WWOX: variants seen among roughly 807,000 people sequenced by gnomAD.
WWOX encodes the protein WW domain-containing oxidoreductase.
WWOX carries 69 observed loss-of-function variants against 46.2 expected under a neutral mutation model. The observed-to-expected ratio is 1.49, with a 90% CI of 1.23 to 1.82. The LOEUF (loss-of-function observed/expected upper bound fraction) is 1.82. Among genes scored for constraint, WWOX ranks in the 40% most tolerant of loss-of-function variants. The pLI, the probability that WWOX is intolerant of heterozygous loss-of-function variation, is 0.00. For missense variants in WWOX, 919 were observed against 542.6 expected (o/e 1.69, Z -6.89); for synonymous variants, 359 against 202.6 (o/e 1.77, Z -6.56).
At position 79,038,276 on chromosome 16, in the gene WWOX, A is replaced by G. The variant is rs137948523; in HGVS notation, c.1057-173332A>G. On this transcript the variant is annotated intron_variant, in intron 8 of 8. Coordinates refer to ENST00000566780, the MANE Select transcript of WWOX (RefSeq NM_016373.4). ...AAAGATCCAGTGAATTGTCTCCTGA[A>G]GATAAAATACATAAAAGGGCGTTTC... Among the ~76,000 whole-genome samples, 608 of 152,320 alleles carry G rather than the reference A, an allele frequency of 4.0e-3. 7 individuals are homozygous for G. The highest frequency in any genetic ancestry group is 0.014 in the African/African-American group (575 of 41,572).
At position 79,146,869 on chromosome 16, in the gene WWOX, C is replaced by T. The variant is rs564280732; in HGVS notation, c.1057-64739C>T. On this transcript the variant is annotated intron_variant, in intron 8 of 8. Coordinates refer to ENST00000566780, the MANE Select transcript of WWOX (RefSeq NM_016373.4). ...GGTTTAAGGAGGTTGGAGGCACCTT[C>T]GCTTGTACTTCTACATGTGTCCCTT... Among the ~76,000 whole-genome samples the T allele has an allele frequency of 1.1e-4, 17 of 152,258 alleles. No homozygotes were observed. The South Asian group carries it at 3.1e-3, about 28-fold the overall frequency.
At chr16:78,503,054 A>G (rs970576681) in intron 8 of WWOX, among the ~76,000 whole-genome samples, 12 of 152,184 alleles carry the variant, frequency 7.9e-5, no homozygotes, top group African/African-American at 2.4e-4. Context: ...AATGTATTTG[A>G]GCCTTCTAAC....
chr16:79,089,325 G>A (rs1423757459), intron 8 of WWOX, among the ~76,000 whole-genome samples: 1 of 126,268 alleles, frequency 7.9e-6, no homozygotes, highest in African/African-American at 3.5e-5. Flanking sequence ...AACGTTCAAG[G>A]TGGGGACCTT....
intron 8 of WWOX, among the ~76,000 whole-genome samples, chr16:78,639,340 C>CCTTGCCGTATATGA (rs2046648986): frequency 6.6e-6 from 1 of 152,158 alleles, no homozygotes; most frequent in Admixed American, 6.5e-5. Context: ...TGGGCTCACA[C>CCTTGCCGTATATGA]CTTGCCGTAT....
At chr16:78,549,968 A>G (rs1005896642) in intron 8 of WWOX, among the ~76,000 whole-genome samples, 1 of 152,198 alleles carries the variant, frequency 6.6e-6, no homozygotes, top group African/African-American at 2.4e-5. Flanking sequence ...AGGACTGAAA[A>G]TTCCCATCCC....
At chr16:78,353,777 G>C (rs2081229012) in intron 5 of WWOX, among the ~76,000 whole-genome samples, 1 of 125,164 alleles carries the variant, frequency 8.0e-6, no homozygotes, top group Non-Finnish European at 1.9e-5. Flanking sequence ...CACATCACCT[G>C]CAGGCAGGAT....
chr16:78,807,101 C>T (rs545006074), intron 8 of WWOX, among the ~76,000 whole-genome samples: 1 of 152,308 alleles, frequency 6.6e-6, no homozygotes, highest in East Asian at 1.9e-4. Context: ...AGACTGGATG[C>T]TCAATAAGTC....
chr16:79,032,394 T>C (rs1207631838), intron 8 of WWOX, among the ~76,000 whole-genome samples: 2 of 129,706 alleles, frequency 1.5e-5, no homozygotes, highest in Non-Finnish European at 3.5e-5. Flanking sequence ...GTAATATATA[T>C]TAATATGTAG....
At chr16:78,815,340 AAAG>A (rs1394034918) in intron 8 of WWOX, among the ~76,000 whole-genome samples, 3 of 152,134 alleles carry the variant, frequency 2.0e-5, no homozygotes, top group East Asian at 3.9e-4. Flanking sequence ...AAAAAAAAAA[AAAG>A]AAGGTTTCAT....
At chr16:78,415,546 G>A (rs937876401) in intron 6 of WWOX, among the ~76,000 whole-genome samples, 2 of 152,052 alleles carry the variant, frequency 1.3e-5, no homozygotes, top group East Asian at 3.9e-4. Context: ...TGGTTTGAAT[G>A]CTTCTGACAA....
At chr16:78,399,019 G>A (rs1455342042) in intron 6 of WWOX, among the ~76,000 whole-genome samples, 3 of 148,592 alleles carry the variant, frequency 2.0e-5, no homozygotes, top group East Asian at 1.9e-4. Flanking sequence ...TGGCTGGCTG[G>A]CTAGATGGAT....
intron 8 of WWOX, among the ~76,000 whole-genome samples, chr16:78,818,745 A>T (rs1018264274): frequency 6.6e-6 from 1 of 152,210 alleles, no homozygotes; most frequent in Non-Finnish European, 1.5e-5. Flanking sequence ...CTAGCTTGCC[A>T]GTCAAGTCAT....
rs376384466 is a variant in WWOX, at chr16:78,386,261, T to C, written c.517-599T>C. ...AAGTACACAGTAGCCATTATTACCA[T>C]TATTATTCCTATCACCAGCATGTAT... On this transcript the variant is annotated intron_variant, in intron 5 of 8. Transcript: ENST00000566780. Among the ~76,000 whole-genome samples the C allele has an allele frequency of 2.8e-3, 426 of 152,290 alleles. 1 individual carries two copies. Among genetic ancestry groups the C allele is most frequent in the Middle Eastern group, 0.01 (3 of 292 alleles).
chr16:78,387,153 A>G (rs934572776), intron 6 of WWOX, among the ~76,000 whole-genome samples: 4 of 152,212 alleles, frequency 2.6e-5, no homozygotes, highest in African/African-American at 9.6e-5. Flanking sequence ...CAATCTAATA[A>G]CAGCTTCCCA....
chr16:79,081,070 A>G (rs1046807098), intron 8 of WWOX, among the ~76,000 whole-genome samples: 4 of 152,144 alleles, frequency 2.6e-5, no homozygotes, highest in Admixed American at 2.6e-4. Flanking sequence ...TATATTATAG[A>G]AGTTTTTTGG....
chr16:78,925,089 G>T (rs1173654330), intron 8 of WWOX, among the ~76,000 whole-genome samples: 1 of 152,150 alleles, frequency 6.6e-6, no homozygotes, highest in Admixed American at 6.5e-5. Flanking sequence ...CAGTTACTGG[G>T]GAGGCTGAGA....
At chr16:78,914,880 GAAAAAAAAAAAA>G (rs10706775) in intron 8 of WWOX, among the ~76,000 whole-genome samples, 2 of 69,396 alleles carry the variant, frequency 2.9e-5, no homozygotes, top group South Asian at 6.1e-4. Flanking sequence ...CTCCGCCTCA[GAAAAAAAAAAAA>G]AAAAAAAAAA....
chr16:79,015,859 G>C (rs945024855), intron 8 of WWOX, among the ~76,000 whole-genome samples: 2 of 152,124 alleles, frequency 1.3e-5, no homozygotes, highest in Admixed American at 6.5e-5. Context: ...TCATGTGATT[G>C]TCCTGCCTCA....
intron 8 of WWOX, among the ~76,000 whole-genome samples, chr16:79,048,315 C>T (rs145049999): frequency 6.6e-5 from 10 of 152,102 alleles, no homozygotes; most frequent in African/African-American, 2.4e-4. Context: ...GCCCAGGGGC[C>T]CCAGCCCTCC....
Sources: allele counts gnomAD v4.1 joint callset (sites outside exome capture counted in the v4.1 genomes callset), GRCh38; gene constraint gnomAD v4.1.1; transcripts MANE v1.5; gene names NCBI Gene and HGNC (gene_info 2026-07-23, HGNC 2026-07-21).